GPR143: variants seen among roughly 807,000 people sequenced by gnomAD.
GPR143 encodes the protein G protein-coupled receptor 143, also known as G-protein coupled receptor 143.
In GPR143, 8 loss-of-function variants were observed where a neutral mutation model predicts 27.6. The ratio of observed to expected loss-of-function variants is 0.29; its 90% confidence interval spans 0.17 to 0.52. GPR143 has a LOEUF of 0.52. Among genes scored for constraint, GPR143 ranks in the 20% least tolerant of loss-of-function variants. The pLI is 0.96. For synonymous variants in GPR143, 156 were observed against 153.2 expected (o/e 1.02, Z -0.13); for missense variants, 303 against 343.1 (o/e 0.88, Z 0.92).
chrX:9,758,422 G>C (rs1281237291), intron 3 of GPR143, among the ~76,000 whole-genome samples: 1 of 111,178 alleles, frequency 9.0e-6, no homozygotes, highest in African/African-American at 3.3e-5. Flanking sequence ...TAAACAACTC[G>C]CCAACAGTTA....
chrX:9,777,236 G>C (rs1014743), intron 1 of GPR143, among the ~76,000 whole-genome samples: 1 of 111,219 alleles, frequency 9.0e-6, no homozygotes, highest in East Asian at 2.8e-4. Context: ...TATTTGATTC[G>C]GCTTTACAAA....
At chrX:9,731,310 A>G (rs1336061352) in intron 8 of GPR143, among the ~76,000 whole-genome samples, 1 of 111,016 alleles carries the variant, frequency 9.0e-6, no homozygotes, top group Non-Finnish European at 1.9e-5. Context: ...CAGAGGTTGC[A>G]GTGAGCTGAA....
chrX:9,732,865 CAAAAAA>C (rs34622284), intron 8 of GPR143, among the ~76,000 whole-genome samples: 2 of 48,171 alleles, frequency 4.2e-5, no homozygotes, highest in South Asian at 2.6e-3. Context: ...AACTCCATCT[CAAAAAA>C]AAAAAAAAAA....
At chrX:9,774,790 C>A (rs1327059870) in intron 1 of GPR143, among the ~76,000 whole-genome samples, 5 of 112,308 alleles carry the variant, frequency 4.5e-5, no homozygotes, top group African/African-American at 1.6e-4. Context: ...GACTTGAACC[C>A]CTTCTTCTCC....
At position 9,725,698 on chromosome X, in the gene GPR143, A is replaced by ATTG. The variant is rs1408231964; in HGVS notation, c.*45_*47dup. ...GAGAACACAGTTCTAAAGAACAAGA[A>ATTG]TTGTTGAGTCTGAGGAATATGGGGT... On this transcript the variant is annotated 3_prime_UTR_variant, in exon 9 of 9. Coordinates refer to ENST00000467482, the MANE Select transcript of GPR143 (RefSeq NM_000273.3). The ATTG allele has an allele frequency of 6.3e-6, 6 of 954,085 alleles. No individual in the cohort carries two copies. In the Admixed American group the frequency reaches 6.8e-5, roughly 11 times the overall value. The allele number at this position is 954,085 out of a possible 1,213,427, so 78.6% of individuals were successfully genotyped here.
rs185752614 is a variant in GPR143 at position 9,739,277 on chromosome X, T to C, written c.1120+208A>G. 7.0e-3 allele frequency among the ~76,000 whole-genome samples: 779 copies of C among 111,672 alleles called. 4 individuals carry two copies. Among genetic ancestry groups the C allele is most frequent in the African/African-American group, 0.024 (736 of 30,712 alleles). ...GTTGTGAACTGGGGGCCACTGTGGC[T>C]CCCCAGGAGACATTTGTCAATGTCT... On this transcript the variant is annotated intron_variant, in intron 8 of 8. Coordinates refer to ENST00000467482, the MANE Select transcript of GPR143 (RefSeq NM_000273.3).
chrX:9,750,566 T>C (rs761179904), intron 3 of GPR143, among the ~76,000 whole-genome samples: 2 of 109,396 alleles, frequency 1.8e-5, no homozygotes, highest in East Asian at 2.9e-4. Context: ...CTGGGTCAGA[T>C]GGCATTTTTT....
At chrX:9,745,389 C>T (rs761642395) in intron 5 of GPR143, among the ~76,000 whole-genome samples, 1 of 112,398 alleles carries the variant, frequency 8.9e-6, no homozygotes, top group African/African-American at 3.2e-5. Flanking sequence ...CAAAGGACCT[C>T]TCAGTTAAGG....
chrX:9,740,879 A>G (rs1601875732), intron 7 of GPR143: 1 of 294,981 alleles, frequency 3.4e-6, no homozygotes. Flanking sequence ...TTCAAGATCC[A>G]TGCTCTGATA....
chrX:9,773,202 A>G (rs961618667), intron 1 of GPR143, among the ~76,000 whole-genome samples: 28 of 112,043 alleles, frequency 2.5e-4, no homozygotes, highest in African/African-American at 8.4e-4. Flanking sequence ...TTGCCTGCCT[A>G]AAGACATCTG....
intron 1 of GPR143, among the ~76,000 whole-genome samples, chrX:9,764,386 A>G (rs2083517052): frequency 9.0e-6 from 1 of 111,106 alleles, no homozygotes; most frequent in South Asian, 3.8e-4. Context: ...TGAGGGCTGC[A>G]GTTTGCGCAC....
At chrX:9,731,791 A>C (rs956548274) in intron 8 of GPR143, among the ~76,000 whole-genome samples, 4 of 88,465 alleles carry the variant, frequency 4.5e-5, no homozygotes, top group Non-Finnish European at 6.8e-5. Context: ...GGGCAATATA[A>C]GGAATTGGGG....
chrX:9,743,429 C>G (rs1427548472), intron 6 of GPR143, 136 bp downstream of exon 6: 1 of 495,069 alleles, frequency 2.0e-6, no homozygotes, highest in Admixed American at 2.8e-5. Context: ...TCAAAGGGCA[C>G]CTAGCACAGT....
chrX:9,765,954 C>G (rs2083531267), upstream of GPR143: 2 of 624,501 alleles, frequency 3.2e-6, no homozygotes, highest in Non-Finnish European at 4.3e-6. Flanking sequence ...TGCAGTAGAG[C>G]CAGGCTCGGT....
Position 9,750,923 on chromosome X carries a change from C to T in GPR143, c.456-2257G>A, listed in dbSNP as rs777962674. On this transcript the variant is annotated intron_variant, in intron 3 of 8. Coordinates refer to ENST00000467482, the MANE Select transcript of GPR143 (RefSeq NM_000273.3). ...GTGATGTTTGTTATAGCAGCCTGGA[C>T]GGACTAAGACTGCACCTCACGGGCA... Among the ~76,000 whole-genome samples the T allele has an allele frequency of 4.8e-4, 54 of 112,608 alleles. 1 individual carries two copies. Among genetic ancestry groups the T allele is most frequent in the African/African-American group, 1.5e-3 (46 of 31,073 alleles).
intron 8 of GPR143, among the ~76,000 whole-genome samples, chrX:9,733,268 CA>C (rs1331958672): frequency 1.8e-5 from 2 of 111,345 alleles, no homozygotes; most frequent in Non-Finnish European, 3.8e-5. Context: ...AAAAAGGAAT[CA>C]TGGGAAAGAT....
intron 3 of GPR143, among the ~76,000 whole-genome samples, chrX:9,755,589 G>A (rs1035317068): frequency 9.0e-5 from 10 of 110,970 alleles, no homozygotes; most frequent in African/African-American, 2.9e-4. Context: ...GGGGAACACA[G>A]GCCTCTATTG....
At chrX:9,772,795 C>T (rs1287025566) in intron 1 of GPR143, among the ~76,000 whole-genome samples, 1 of 73,700 alleles carries the variant, frequency 1.4e-5, no homozygotes, top group Non-Finnish European at 2.4e-5. Flanking sequence ...GCCTGGGTAA[C>T]AGAGCAAGAT....
chrX:9,774,964 A>C (rs1443530449), intron 1 of GPR143, among the ~76,000 whole-genome samples: 5 of 111,108 alleles, frequency 4.5e-5, no homozygotes, highest in Non-Finnish European at 9.4e-5. Flanking sequence ...CCCGGGCTCA[A>C]GCGATACTCC....
Sources: allele counts gnomAD v4.1 joint callset (sites outside exome capture counted in the v4.1 genomes callset), GRCh38; gene constraint gnomAD v4.1.1; transcripts MANE v1.5; gene names NCBI Gene and HGNC (gene_info 2026-07-23, HGNC 2026-07-21).